The following SULT4A1 variants were observed in gnomAD, a reference collection of about 807,000 sequenced individuals.
SULT4A1 encodes sulfotransferase 4A1.
A neutral mutation model predicts 35.2 loss-of-function variants in SULT4A1; 11 were observed. The observed-to-expected ratio is 0.31, with a 90% CI of 0.20 to 0.52. SULT4A1 has a LOEUF of 0.52. SULT4A1 is among the 20% of genes least tolerant of loss of function. The probability of loss-of-function intolerance (pLI) is 0.97; values close to 1 mark genes in which losing one functional copy is unlikely to be tolerated. For synonymous variants in SULT4A1, 152 were observed against 151.8 expected (o/e 1.00, Z -0.01); for missense variants, 271 against 383.7 (o/e 0.71, Z 2.45).
At chr22:43,844,333 A>T (rs1435514317) in intron 1 of SULT4A1, among the ~76,000 whole-genome samples, 1 of 152,206 alleles carries the variant, frequency 6.6e-6, no homozygotes, top group Non-Finnish European at 1.5e-5. Context: ...CATTAAAGGC[A>T]GGGAGAGGCC....
At chr22:43,853,899 G>A (rs929084575) in intron 1 of SULT4A1, among the ~76,000 whole-genome samples, 8 of 152,232 alleles carry the variant, frequency 5.3e-5, no homozygotes, top group Non-Finnish European at 4.4e-5. Flanking sequence ...AGGGGAAGAG[G>A]CTCCGCCCTT....
At chr22:43,857,346 G>C (rs1349090559) in intron 1 of SULT4A1, among the ~76,000 whole-genome samples, 2 of 129,552 alleles carry the variant, frequency 1.5e-5, no homozygotes, top group Non-Finnish European at 3.1e-5. Flanking sequence ...AGGCCAGTCT[G>C]AGCAGCACAG....
chr22:43,838,811 C>T (rs927233497), intron 4 of SULT4A1, 56 bp downstream of exon 4: 29 of 1,606,540 alleles, frequency 1.8e-5, no homozygotes, highest in East Asian at 1.1e-4. Context: ...CCTGCCAGGC[C>T]GTCCACGACA....
At chr22:43,848,222 A>G (rs981039472) in intron 1 of SULT4A1, among the ~76,000 whole-genome samples, 5 of 152,162 alleles carry the variant, frequency 3.3e-5, no homozygotes, top group African/African-American at 1.2e-4. Flanking sequence ...TCCCTTCTTC[A>G]CAGAGCTGCT....
intron 4 of SULT4A1, among the ~76,000 whole-genome samples, chr22:43,838,387 C>T (rs1025852622): frequency 2.0e-5 from 3 of 151,756 alleles, no homozygotes; most frequent in Non-Finnish European, 4.4e-5. Context: ...AGGTTCAGCC[C>T]GGCTGTCCTC....
intron 1 of SULT4A1, among the ~76,000 whole-genome samples, chr22:43,851,479 G>A (rs1005358453): frequency 1.3e-5 from 2 of 152,174 alleles, no homozygotes; most frequent in Admixed American, 6.5e-5. Context: ...AGGAGAGACC[G>A]TGGGAGCAGC....
At chr22:43,839,808 T>A in intron 3 of SULT4A1, 137 bp downstream of exon 3, 1 of 798,364 alleles carries the variant, frequency 1.3e-6, no homozygotes. Context: ...TCAGAAGGGA[T>A]CTTCACGTGT....
At chr22:43,829,474 T>C (rs2063310257) in intron 5 of SULT4A1, among the ~76,000 whole-genome samples, 1 of 152,176 alleles carries the variant, frequency 6.6e-6, no homozygotes, top group Non-Finnish European at 1.5e-5. Context: ...GTGGTTAAGT[T>C]TTAACAGGAG....
chr22:43,859,463 T>A (rs540820082), intron 1 of SULT4A1, among the ~76,000 whole-genome samples: 4 of 152,378 alleles, frequency 2.6e-5, no homozygotes, highest in African/African-American at 9.6e-5. Flanking sequence ...CCAAGCTCCA[T>A]GACTTTGGGG....
At chr22:43,860,958 C>T (rs1177127110) in intron 1 of SULT4A1, among the ~76,000 whole-genome samples, 2 of 152,006 alleles carry the variant, frequency 1.3e-5, no homozygotes, top group Non-Finnish European at 2.9e-5. Flanking sequence ...TTCTCTGAGC[C>T]TCTGAAAAAA....
At chr22:43,832,883 C>T (rs531739543) in intron 5 of SULT4A1, among the ~76,000 whole-genome samples, 1 of 152,246 alleles carries the variant, frequency 6.6e-6, no homozygotes, top group African/African-American at 2.4e-5. Flanking sequence ...AGCAGACCTC[C>T]TCCCCATCCC....
chr22:43,843,803 G>A lies in SULT4A1; in HGVS notation c.170-1871C>T, dbSNP rs565232236. On this transcript the variant is annotated intron_variant, in intron 1 of 6. Transcript: ENST00000330884. ...TGTAACATCCTTTATAATAAACCAG[G>A]AAATGTCAGTGTTGCCCTGAGTTCT... 3.3e-5 allele frequency among the ~76,000 whole-genome samples: 5 copies of A among 152,342 alleles called. No homozygotes were observed. The East Asian group carries it at 9.6e-4, about 29-fold the overall frequency.
intron 1 of SULT4A1, among the ~76,000 whole-genome samples, chr22:43,855,770 T>C (rs1305921411): frequency 6.6e-6 from 1 of 151,102 alleles, no homozygotes. Context: ...CACTTCCCCC[T>C]AGATGCAGGA....
At chr22:43,841,102 G>A (rs138076) in intron 2 of SULT4A1, among the ~76,000 whole-genome samples, 36,020 of 152,208 alleles carry the variant, frequency 0.24, 4,483 homozygotes, top group African/African-American at 0.32. Context: ...ACGGCAGTAC[G>A]GAACGACTCC....
At chr22:43,854,020 T>C (rs1163696299) in intron 1 of SULT4A1, among the ~76,000 whole-genome samples, 1 of 152,228 alleles carries the variant, frequency 6.6e-6, no homozygotes, top group Non-Finnish European at 1.5e-5. Flanking sequence ...GAGGCTCTGG[T>C]GTGCGGCATT....
chr22:43,860,571 A>T (rs921644813), intron 1 of SULT4A1, among the ~76,000 whole-genome samples: 27 of 152,284 alleles, frequency 1.8e-4, no homozygotes, highest in Middle Eastern at 3.4e-3. Flanking sequence ...GGTAAGCCGC[A>T]AAACTGCATT....
intron 3 of SULT4A1, 83 bp from the exon 4 acceptor site, chr22:43,839,076 C>T: frequency 6.4e-7 from 1 of 1,560,182 alleles, no homozygotes; most frequent in South Asian, 1.1e-5. Context: ...CCTCCCTGAA[C>T]CTGCTGGTGC....
chr22:43,841,682 C>A (rs2148290496), intron 2 of SULT4A1, 120 bp downstream of exon 2: 4 of 1,457,526 alleles, frequency 2.7e-6, no homozygotes, highest in Non-Finnish European at 3.7e-6. Flanking sequence ...CCCTGGCTAT[C>A]TGGGGCTATC....
At chr22:43,851,479 G>C (rs1005358453) in intron 1 of SULT4A1, among the ~76,000 whole-genome samples, 2 of 152,174 alleles carry the variant, frequency 1.3e-5, no homozygotes, top group Non-Finnish European at 2.9e-5. Context: ...AGGAGAGACC[G>C]TGGGAGCAGC....
Sources: gnomAD v4.1 joint callset for allele counts (sites outside exome capture counted in the v4.1 genomes callset) on GRCh38, gnomAD v4.1.1 for gene constraint, MANE v1.5 for transcripts, NCBI Gene and HGNC (gene_info 2026-07-23, HGNC 2026-07-21) for gene names.